Variants in HELZ observed in about 807,000 individuals in gnomAD.
HELZ encodes ATP-dependent RNA helicase with zinc finger domain.
Under a neutral mutation model 218.2 loss-of-function variants are expected in HELZ, and 23 were observed. The observed-to-expected ratio is 0.11, with a 90% CI of 0.08 to 0.15. The LOEUF is 0.15. HELZ is among the 10% of genes least tolerant of loss of function. The probability of loss-of-function intolerance (pLI) is 1.00; values close to 1 mark genes in which losing one functional copy is unlikely to be tolerated. For missense variants in HELZ, 1,813 were observed against 2,353.7 expected, an observed-to-expected ratio of 0.77 and a Z score of 4.75; for synonymous variants, 814 against 829.4, an observed-to-expected ratio of 0.98 and a Z score of 0.32.
At chr17:67,150,993 A>T in intron 18 of HELZ, 53 bp downstream of exon 18, 1 of 1,522,516 alleles carries the variant, frequency 6.6e-7, no homozygotes, top group South Asian at 1.2e-5. Context: ...ATCCCAGTCT[A>T]AACTGAATTC....
chr17:67,128,946 C>A, intron 23 of HELZ, 91 bp from the exon 24 acceptor site: 1 of 968,108 alleles, frequency 1.0e-6, no homozygotes, highest in Non-Finnish European at 1.6e-6. Context: ...TCAAATTCCA[C>A]CCCCAACCTC....
Position 67,077,774 on chromosome 17 carries a change from T to C in HELZ, c.*478A>G, listed in dbSNP as rs144226804. On this transcript the variant is annotated 3_prime_UTR_variant, in exon 33 of 33. Transcript: ENST00000358691. The stretch of plus-strand genomic sequence containing the variant: ...TTTAGAAGATGCTGCCCCTTTATTT[T>C]AAAAAAAATTTAAATGAATTTAAGC... The C allele has an allele frequency of 3.0e-4, 45 of 152,136 alleles. No homozygotes were observed. The highest frequency in any genetic ancestry group is 1.1e-3 in the African/African-American group (44 of 41,456). 9.4% of individuals were successfully genotyped at this position (152,136 alleles called of 1,614,324 possible).
chr17:67,236,822 G>A (rs2041197276), intron 3 of HELZ, among the ~76,000 whole-genome samples: 1 of 151,892 alleles, frequency 6.6e-6, no homozygotes, highest in Non-Finnish European at 1.5e-5. Context: ...GGAAATGAAG[G>A]GGTTCCAGGA....
At chr17:67,083,132 C>T (rs1035505612) in intron 32 of HELZ, among the ~76,000 whole-genome samples, 2 of 151,906 alleles carry the variant, frequency 1.3e-5, no homozygotes, top group Non-Finnish European at 2.9e-5. Context: ...GCTGGGATTA[C>T]AGGTGTGAGC....
At chr17:67,172,813 C>T (rs902645668) in intron 13 of HELZ, among the ~76,000 whole-genome samples, 4 of 152,110 alleles carry the variant, frequency 2.6e-5, no homozygotes, top group Non-Finnish European at 1.5e-5. Context: ...GCCATGTTGC[C>T]GAGGCTGGTC....
At chr17:67,135,836 G>T in intron 23 of HELZ, 134 bp downstream of exon 23, 1 of 660,410 alleles carries the variant, frequency 1.5e-6, no homozygotes, top group Non-Finnish European at 2.6e-6. Context: ...ATATGCTTTT[G>T]TGTTCCCACT....
chr17:67,175,425 T>C (rs562569143), intron 13 of HELZ, among the ~76,000 whole-genome samples: 1 of 152,280 alleles, frequency 6.6e-6, no homozygotes, highest in Admixed American at 6.5e-5. Flanking sequence ...AACAATCAAA[T>C]GTAAATTAAA....
intron 32 of HELZ, among the ~76,000 whole-genome samples, chr17:67,085,518 T>A (rs2143572498): frequency 6.6e-6 from 1 of 151,570 alleles, no homozygotes. Flanking sequence ...AATGACAATG[T>A]CTTTTGCCAG....
chr17:67,115,638 G>A (rs2037403251), intron 27 of HELZ, among the ~76,000 whole-genome samples: 1 of 152,020 alleles, frequency 6.6e-6, no homozygotes, highest in Non-Finnish European at 1.5e-5. Flanking sequence ...AAACGCAAGT[G>A]AGAAAATGGT....
intron 3 of HELZ, among the ~76,000 whole-genome samples, chr17:67,235,395 C>T (rs2041151208): frequency 6.6e-6 from 1 of 151,972 alleles, no homozygotes; most frequent in South Asian, 2.1e-4. Flanking sequence ...ATCCCAGATA[C>T]TCAGGAGGCT....
At chr17:67,179,917 C>T (rs768356622) in intron 12 of HELZ, among the ~76,000 whole-genome samples, 17 of 152,146 alleles carry the variant, frequency 1.1e-4, no homozygotes, top group Non-Finnish European at 1.9e-4. Flanking sequence ...GAAATGACAA[C>T]ATAATGCACA....
intron 3 of HELZ, among the ~76,000 whole-genome samples, chr17:67,231,309 A>G (rs2041029590): frequency 6.6e-6 from 1 of 152,150 alleles, no homozygotes; most frequent in Admixed American, 6.6e-5. Context: ...ATGTACCAAC[A>G]ATGGCTGGGT....
chr17:67,182,853 G>C lies in HELZ; in HGVS notation c.1163-3927C>G, dbSNP rs113969781. Among the ~76,000 whole-genome samples the C allele has an allele frequency of 3.9e-3, 590 of 152,210 alleles. 5 individuals are homozygous for C. Among genetic ancestry groups the C allele is most frequent in the African/African-American group, 0.013 (560 of 41,526 alleles). ...TACTATTCTAATAAAGCATCCAAAG[G>C]GTGGGTTTGTTTCGTCTTGAAGTAT... On this transcript the variant is annotated intron_variant, in intron 12 of 32. Transcript: ENST00000358691.
chr17:67,145,304 T>C (rs1166215033), intron 21 of HELZ, among the ~76,000 whole-genome samples: 1 of 152,208 alleles, frequency 6.6e-6, no homozygotes, highest in South Asian at 2.1e-4. Context: ...ATTATATAAG[T>C]TGGAGCACAT....
chr17:67,244,979 G>C, intron 1 of HELZ, 169 bp downstream of exon 1: 1 of 985,806 alleles, frequency 1.0e-6, no homozygotes, highest in African/African-American at 1.7e-5. Context: ...TCGCCTCGAA[G>C]AGCCGCGCTT....
chr17:67,153,422 C>T (rs1249358608), intron 17 of HELZ, among the ~76,000 whole-genome samples: 3 of 152,108 alleles, frequency 2.0e-5, no homozygotes, highest in South Asian at 2.1e-4. Flanking sequence ...GCTTCTACTC[C>T]GTCAGTAAAA....
intron 31 of HELZ, among the ~76,000 whole-genome samples, chr17:67,094,740 T>C (rs565889422): frequency 6.6e-6 from 1 of 152,288 alleles, no homozygotes; most frequent in Non-Finnish European, 1.5e-5. Context: ...AAGTGAGTTA[T>C]GATCACACCC....
intron 9 of HELZ, among the ~76,000 whole-genome samples, chr17:67,191,450 A>C (rs938948446): frequency 6.6e-6 from 1 of 152,040 alleles, no homozygotes; most frequent in Non-Finnish European, 1.5e-5. Context: ...AAAATAAAAT[A>C]CTTTGATAAT....
At chr17:67,240,883 A>C (rs1253242390) in intron 2 of HELZ, among the ~76,000 whole-genome samples, 1 of 152,236 alleles carries the variant, frequency 6.6e-6, no homozygotes, top group African/African-American at 2.4e-5. Context: ...TTGAATAATT[A>C]AAAGTTGACC....
Sources: allele counts gnomAD v4.1 joint callset (sites outside exome capture counted in the v4.1 genomes callset), GRCh38; gene constraint gnomAD v4.1.1; transcripts MANE v1.5; gene names NCBI Gene and HGNC (gene_info 2026-07-23, HGNC 2026-07-21).